The following THSD7B variants were observed in gnomAD, a reference collection of about 807,000 sequenced individuals.
THSD7B encodes thrombospondin type-1 domain-containing protein 7B.
In THSD7B, 138 loss-of-function variants were observed where a neutral mutation model predicts 213.6. The ratio of observed to expected loss-of-function variants is 0.65; its 90% CI spans 0.56 to 0.74. The LOEUF is 0.74. Ranked by LOEUF, THSD7B falls within the 30% of genes least tolerant of loss-of-function variation. The pLI, the probability that THSD7B is intolerant of heterozygous loss-of-function variation, is 0.00. For missense variants in THSD7B, 1,931 were observed against 1,991.5 expected (o/e 0.97, Z 0.58); for synonymous variants, 742 against 687.0 (o/e 1.08, Z -1.25).
intron 5 of THSD7B, among the ~76,000 whole-genome samples, chr2:137,147,129 A>G (rs567112216): frequency 4.3e-4 from 65 of 152,152 alleles, no homozygotes; most frequent in Non-Finnish European, 8.1e-4. Context: ...CTGTTGGTTT[A>G]GACAGGTTGG....
chr2:137,574,937 A>C (rs1573718696), intron 17 of THSD7B, among the ~76,000 whole-genome samples: 1 of 152,226 alleles, frequency 6.6e-6, no homozygotes, highest in South Asian at 2.1e-4. Context: ...GTAGAACATG[A>C]GCTGATTTAA....
rs543670592 is a variant in THSD7B at position 137,054,588 on chromosome 2, AG to A, written c.140-1831del. 1.3e-3 allele frequency among the ~76,000 whole-genome samples: 198 copies of A among 152,328 alleles called. 1 individual carries two copies. The highest frequency in any genetic ancestry group is 2.1e-3 in the Non-Finnish European group (146 of 68,028). On this transcript the variant is annotated intron_variant, in intron 2 of 27. Coordinates refer to ENST00000409968, the MANE Select transcript of THSD7B (RefSeq NM_001316349.2). Reference sequence around the variant, plus strand: ...ACATGTCTACTATTTGTACAAATGTAGTGGATGCTAATGAAAATATTTTTCA... The same window carrying A: ...ACATGTCTACTATTTGTACAAATGTATGGATGCTAATGAAAATATTTTTCA...
chr2:137,636,968 G>A (rs12615908), intron 20 of THSD7B, among the ~76,000 whole-genome samples: 3,253 of 152,242 alleles, frequency 0.021, 70 homozygotes, highest in South Asian at 0.067. Context: ...GATTACAGGC[G>A]TGAGCCACTG....
chr2:137,028,941 A>C (rs1686606544), intron 2 of THSD7B, among the ~76,000 whole-genome samples: 2 of 152,170 alleles, frequency 1.3e-5, no homozygotes, highest in South Asian at 4.1e-4. Flanking sequence ...CCTCCAAGCA[A>C]AGAAAACCCC....
At chr2:137,275,838 T>C (rs1455159035) in intron 11 of THSD7B, 85 bp from the exon 12 acceptor site, 1 of 1,042,598 alleles carries the variant, frequency 9.6e-7, no homozygotes, top group Non-Finnish European at 1.4e-6. Context: ...GTCTTTACTT[T>C]TTTTAAACTT....
At chr2:137,154,300 A>G (rs929298635) in intron 5 of THSD7B, among the ~76,000 whole-genome samples, 1 of 152,208 alleles carries the variant, frequency 6.6e-6, no homozygotes. Context: ...TTTTTGTCCT[A>G]AGGGAAAGAT....
At chr2:137,604,697 G>A (rs1033878974) in intron 17 of THSD7B, among the ~76,000 whole-genome samples, 2 of 152,094 alleles carry the variant, frequency 1.3e-5, no homozygotes, top group Admixed American at 6.5e-5. Context: ...GTGATCTCTT[G>A]TTGAGTTTTG....
chr2:137,578,937 G>A lies in THSD7B; in HGVS notation c.3423+6381G>A, dbSNP rs140128356. ...GTACAACAACAGCAAGTCATTTAAC[G>A]TTTGCATAATTAGAGCCCTGGAAGT... On this transcript the variant is annotated intron_variant, in intron 17 of 27. Transcript: ENST00000409968. Among the ~76,000 whole-genome samples, 288 of 152,200 alleles carry A rather than the reference G, an allele frequency of 1.9e-3. 2 individuals carry two copies. The highest frequency in any genetic ancestry group is 0.01 in the Middle Eastern group (3 of 294).
chr2:137,002,283 C>G (rs976138740), intron 2 of THSD7B, among the ~76,000 whole-genome samples: 3 of 152,066 alleles, frequency 2.0e-5, no homozygotes, highest in African/African-American at 7.2e-5. Flanking sequence ...AAATCATAGA[C>G]TACCCTAAAT....
Position 137,473,732 on chromosome 2 carries a change from C to CT in THSD7B, c.3138+22713dup, listed in dbSNP as rs539444697. Among the ~76,000 whole-genome samples, 117 of 152,324 alleles carry CT rather than the reference C, an allele frequency of 7.7e-4. 1 individual carries two copies. The South Asian group carries it at 9.1e-3, about 12-fold the overall frequency. Reference sequence around the variant, plus strand: ...AAGTACCAGCAGTTTACTGTCCTTGCTTTTGCACCCTCACTACAAATGTCT... The same window carrying CT: ...AAGTACCAGCAGTTTACTGTCCTTGCTTTTTGCACCCTCACTACAAATGTCT... On this transcript the variant is annotated intron_variant, in intron 15 of 27. Transcript: ENST00000409968.
intron 2 of THSD7B, among the ~76,000 whole-genome samples, chr2:136,960,981 T>C (rs1425841719): frequency 2.1e-5 from 3 of 139,960 alleles, no homozygotes; most frequent in Non-Finnish European, 4.5e-5. Flanking sequence ...CCCAGCTACT[T>C]GGGAGGCTGA....
chr2:137,333,488 T>C (rs546144747), intron 12 of THSD7B, among the ~76,000 whole-genome samples: 1 of 152,330 alleles, frequency 6.6e-6, no homozygotes, highest in East Asian at 1.9e-4. Flanking sequence ...AATCCAGCTC[T>C]AGCTGCACTG....
At chr2:137,356,560 C>T (rs1685132347) in intron 12 of THSD7B, among the ~76,000 whole-genome samples, 1 of 152,160 alleles carries the variant, frequency 6.6e-6, no homozygotes, top group Non-Finnish European at 1.5e-5. Context: ...CTGTACTTGC[C>T]ATGACTTGCT....
chr2:137,161,003 G>A (rs747510298), intron 6 of THSD7B, among the ~76,000 whole-genome samples: 56 of 152,026 alleles, frequency 3.7e-4, no homozygotes, highest in Non-Finnish European at 5.9e-4. Flanking sequence ...GAAATGTTTC[G>A]CAAATCTATA....
chr2:136,828,727 T>G (rs141440425), intron 1 of THSD7B, among the ~76,000 whole-genome samples: 1 of 152,358 alleles, frequency 6.6e-6, no homozygotes. Context: ...ACTGCAATAT[T>G]CTTGCCTCGT....
At chr2:136,823,797 T>C (rs930387133) in intron 1 of THSD7B, among the ~76,000 whole-genome samples, 3 of 152,196 alleles carry the variant, frequency 2.0e-5, no homozygotes, top group Non-Finnish European at 4.4e-5. Flanking sequence ...TCTGTAATTC[T>C]TAACTAAATT....
chr2:137,000,760 G>C (rs998980701), intron 2 of THSD7B, among the ~76,000 whole-genome samples: 1 of 152,112 alleles, frequency 6.6e-6, no homozygotes. Context: ...TTAAGCCAAA[G>C]TAAATGCATT....
At chr2:137,522,197 C>A (rs1055656419) in intron 15 of THSD7B, among the ~76,000 whole-genome samples, 6 of 152,208 alleles carry the variant, frequency 3.9e-5, no homozygotes, top group African/African-American at 1.4e-4. Context: ...TCAAATGCTT[C>A]TCTCTGTGTG....
chr2:137,210,116 C>A (rs1470720520), intron 7 of THSD7B, among the ~76,000 whole-genome samples: 1 of 152,082 alleles, frequency 6.6e-6, no homozygotes, highest in Non-Finnish European at 1.5e-5. Context: ...GCCCTCAGAA[C>A]TGTGAGAAAA....
Sources: gnomAD v4.1 joint callset for allele counts (sites outside exome capture counted in the v4.1 genomes callset) on GRCh38, gnomAD v4.1.1 for gene constraint, MANE v1.5 for transcripts, NCBI Gene and HGNC (gene_info 2026-07-23, HGNC 2026-07-21) for gene names.